Variants in SRGAP3 observed in about 807,000 individuals in gnomAD.
SRGAP3 encodes SLIT-ROBO Rho GTPase-activating protein 3.
SRGAP3 carries 39 observed loss-of-function variants against 121.1 expected under a neutral mutation model. That is an observed-to-expected ratio of 0.32 (90% confidence interval 0.25 to 0.42). SRGAP3 has a LOEUF of 0.42. Ranked by LOEUF, SRGAP3 falls within the 10% of genes least tolerant of loss-of-function variation. The pLI, the probability that SRGAP3 is intolerant of heterozygous loss-of-function variation, is 1.00. For synonymous variants in SRGAP3, 601 were observed against 570.0 expected, an observed-to-expected ratio of 1.05 and a Z score of -0.77; for missense variants, 1,213 against 1,470.6, an observed-to-expected ratio of 0.82 and a Z score of 2.86.
At chr3:9,358,339 A>AT (rs2030626897) in intron 1 of SRGAP3, among the ~76,000 whole-genome samples, 1 of 152,090 alleles carries the variant, frequency 6.6e-6, no homozygotes, top group South Asian at 2.1e-4. Context: ...GTATGCCTGT[A>AT]TAACACATGG....
chr3:9,332,559 G>A (rs1269178650), intron 1 of SRGAP3, among the ~76,000 whole-genome samples: 2 of 152,162 alleles, frequency 1.3e-5, no homozygotes, highest in Admixed American at 1.3e-4. Flanking sequence ...ATGTGCAACT[G>A]AACAGATACT....
At chr3:9,062,637 G>A (rs4686320) in intron 5 of SRGAP3, among the ~76,000 whole-genome samples, 46,200 of 152,006 alleles carry the variant, frequency 0.3, 7,556 homozygotes, top group East Asian at 0.44. Flanking sequence ...GTGGTCTTCC[G>A]TGACTGACTT....
intron 1 of SRGAP3, among the ~76,000 whole-genome samples, chr3:9,130,095 G>A (rs939080513): frequency 6.6e-6 from 1 of 152,014 alleles, no homozygotes; most frequent in Non-Finnish European, 1.5e-5. Flanking sequence ...TTTTTACCAA[G>A]TACATTAAGT....
intron 3 of SRGAP3, among the ~76,000 whole-genome samples, chr3:9,094,221 T>C (rs1947876177): frequency 6.6e-6 from 1 of 152,186 alleles, no homozygotes; most frequent in Non-Finnish European, 1.5e-5. Context: ...GTTCCAAGTT[T>C]TATAAAAATA....
At chr3:9,102,973 C>T (rs1162978734) in intron 3 of SRGAP3, among the ~76,000 whole-genome samples, 5 of 152,144 alleles carry the variant, frequency 3.3e-5, no homozygotes, top group African/African-American at 1.2e-4. Flanking sequence ...AACTTGCAGA[C>T]GTCTGGATCA....
chr3:9,022,205 G>A (rs1195831429), intron 14 of SRGAP3, among the ~76,000 whole-genome samples: 1 of 152,204 alleles, frequency 6.6e-6, no homozygotes, highest in East Asian at 1.9e-4. Flanking sequence ...GCACACGCCT[G>A]TAGTCCCAGC....
chr3:9,092,946 T>C (rs1264498979), intron 3 of SRGAP3, among the ~76,000 whole-genome samples: 1 of 152,074 alleles, frequency 6.6e-6, no homozygotes, highest in Non-Finnish European at 1.5e-5. Flanking sequence ...CTGATGTCGA[T>C]GTTTTATATA....
At chr3:9,338,974 A>AC (rs1955736198) in intron 1 of SRGAP3, among the ~76,000 whole-genome samples, 1 of 152,234 alleles carries the variant, frequency 6.6e-6, no homozygotes, top group African/African-American at 2.4e-5. Context: ...TCTGGAAGCT[A>AC]GTACTTACGA....
At position 8,984,046 on chromosome 3, in the gene SRGAP3, G is replaced by C; in HGVS notation, c.*1473C>G. ...TCTCTGGAAGTGATCAGAAGAGGAG[G>C]TAAAATGGAATCGAAGGAGAGCGAC... On this transcript the variant is annotated 3_prime_UTR_variant, in exon 22 of 22. Transcript: ENST00000383836. 4.3e-6 allele frequency: 1 copy of C among 231,264 alleles called. No individual in the cohort carries two copies. The highest frequency in any genetic ancestry group is 6.1e-5 in the East Asian group (1 of 16,318). The allele number at this position is 231,264 out of a possible 1,614,324, so 14.3% of individuals were successfully genotyped here. A position where few individuals can be genotyped will look rare whatever the true frequency, so the allele number is the denominator to read the frequency against.
At chr3:9,176,462 T>A (rs1951184808) in intron 1 of SRGAP3, among the ~76,000 whole-genome samples, 2 of 152,244 alleles carry the variant, frequency 1.3e-5, no homozygotes, top group South Asian at 4.1e-4. Flanking sequence ...TTAGACAGTG[T>A]TCCTCAGATT....
chr3:9,031,816 G>C (rs115125888), intron 12 of SRGAP3, among the ~76,000 whole-genome samples: 175 of 152,282 alleles, frequency 1.1e-3, no homozygotes, highest in African/African-American at 3.9e-3. Context: ...GTCTTCATTA[G>C]AAGGTAGTGG....
chr3:9,295,249 T>A (rs982260777), intron 3 of SRGAP3, among the ~76,000 whole-genome samples: 2 of 152,222 alleles, frequency 1.3e-5, no homozygotes, highest in Non-Finnish European at 2.9e-5. Context: ...CTTAGGACTG[T>A]AGTACAAGAT....
At chr3:9,104,984 G>T in intron 2 of SRGAP3, 142 bp from the exon 3 acceptor site, 2 of 1,047,330 alleles carry the variant, frequency 1.9e-6, no homozygotes, top group East Asian at 2.6e-5. Context: ...TACAGTTGGG[G>T]AAACAGGCTA....
intron 1 of SRGAP3, among the ~76,000 whole-genome samples, chr3:9,359,907 G>A (rs1575035940): frequency 2.0e-5 from 3 of 152,276 alleles, no homozygotes; most frequent in South Asian, 2.1e-4. Context: ...CAATAAGGCC[G>A]CTAGGCACAT....
intron 4 of SRGAP3, among the ~76,000 whole-genome samples, chr3:9,075,374 A>AGTGTGT (rs3067610): frequency 0.017 from 2,415 of 145,208 alleles, 69 homozygotes; most frequent in African/African-American, 0.06. Context: ...CATGTATGCA[A>AGTGTGT]GTGTGTGTGT....
At chr3:9,271,808 T>C (rs150962408) in intron 3 of SRGAP3, among the ~76,000 whole-genome samples, 2 of 152,320 alleles carry the variant, frequency 1.3e-5, no homozygotes, top group East Asian at 3.9e-4. Flanking sequence ...TACACCTCTG[T>C]CCTGTCTCAA....
At chr3:9,052,770 T>C (rs1268195666) in intron 9 of SRGAP3, among the ~76,000 whole-genome samples, 4 of 152,196 alleles carry the variant, frequency 2.6e-5, no homozygotes, top group Non-Finnish European at 5.9e-5. Flanking sequence ...AATAAAACTG[T>C]CTCTGGTTTT....
intron 18 of SRGAP3, among the ~76,000 whole-genome samples, chr3:8,995,652 C>G (rs1268948084): frequency 6.6e-6 from 1 of 152,124 alleles, no homozygotes; most frequent in African/African-American, 2.4e-5. Flanking sequence ...TTTTAAACTG[C>G]ATGGTTTAAG....
intron 1 of SRGAP3, among the ~76,000 whole-genome samples, chr3:9,135,294 T>C (rs138750952): frequency 2.7e-4 from 41 of 152,314 alleles, no homozygotes; most frequent in Middle Eastern, 3.4e-3. Context: ...AAATGGAAAA[T>C]ATGGTCCTGA....
Sources: allele counts gnomAD v4.1 joint callset (sites outside exome capture counted in the v4.1 genomes callset), GRCh38; gene constraint gnomAD v4.1.1; transcripts MANE v1.5; gene names NCBI Gene and HGNC (gene_info 2026-07-23, HGNC 2026-07-21).